Variants in NTM observed in about 807,000 individuals in gnomAD.
NTM encodes the protein neurotrimin, also known as IgLON family member 2.
NTM carries 13 observed loss-of-function variants against 42.1 expected under a neutral mutation model. That is an observed-to-expected ratio of 0.31 (90% CI 0.20 to 0.49). NTM has a LOEUF of 0.49. Among genes scored for constraint, NTM ranks in the 20% least tolerant of loss-of-function variants. The pLI is 0.99. For missense variants in NTM, 373 were observed against 452.8 expected, an observed-to-expected ratio of 0.82 and a Z score of 1.60; for synonymous variants, 187 against 179.2, an observed-to-expected ratio of 1.04 and a Z score of -0.35.
At chr11:131,498,086 C>G (rs1036317557) in intron 1 of NTM, among the ~76,000 whole-genome samples, 1 of 151,738 alleles carries the variant, frequency 6.6e-6, no homozygotes, top group Non-Finnish European at 1.5e-5. Flanking sequence ...GCTCCATCTG[C>G]GAGATGTACC....
intron 2 of NTM, among the ~76,000 whole-genome samples, chr11:132,138,723 G>C (rs1477279966): frequency 1.3e-5 from 2 of 152,134 alleles, no homozygotes; most frequent in Non-Finnish European, 2.9e-5. Context: ...CCCAAGGACA[G>C]GAGAGGAATG....
At chr11:131,519,187 TATCTC>T (rs146370598) in intron 1 of NTM, among the ~76,000 whole-genome samples, 13,562 of 152,240 alleles carry the variant, frequency 0.089, 695 homozygotes, top group Middle Eastern at 0.15. Context: ...CCAGGGGACA[TATCTC>T]TTCTCTCTTA....
At chr11:132,135,609 C>G (rs2067742781) in intron 2 of NTM, among the ~76,000 whole-genome samples, 2 of 152,210 alleles carry the variant, frequency 1.3e-5, no homozygotes, top group South Asian at 4.1e-4. Context: ...ACAGGCCACA[C>G]AGGCTACTGC....
intron 1 of NTM, chr11:131,535,166 G>A (rs1233160862): frequency 6.6e-6 from 1 of 152,184 alleles, no homozygotes; most frequent in African/African-American, 2.4e-5. Context: ...AGGACGATGG[G>A]CCCTCAGCAG....
intron 1 of NTM, among the ~76,000 whole-genome samples, chr11:131,694,759 G>A (rs1405257395): frequency 1.3e-5 from 2 of 152,206 alleles, no homozygotes; most frequent in African/African-American, 4.8e-5. Flanking sequence ...CCAAGACCAT[G>A]AGCTTTGCGG....
intron 4 of NTM, among the ~76,000 whole-genome samples, chr11:132,219,691 A>G (rs753076974): frequency 6.6e-6 from 1 of 151,914 alleles, no homozygotes; most frequent in Non-Finnish European, 1.5e-5. Flanking sequence ...TGAAATAGAG[A>G]TAATAATACC....
chr11:132,063,709 G>A (rs1252769676), intron 2 of NTM, among the ~76,000 whole-genome samples: 1 of 152,184 alleles, frequency 6.6e-6, no homozygotes, highest in Non-Finnish European at 1.5e-5. Context: ...GATTCTCTTT[G>A]TTCTTTGGCT....
chr11:131,923,167 C>A (rs1362524536), intron 2 of NTM, among the ~76,000 whole-genome samples: 6 of 152,122 alleles, frequency 3.9e-5, no homozygotes, highest in Non-Finnish European at 7.3e-5. Flanking sequence ...GCCTGTAACA[C>A]CTAGAGAAGT....
intron 2 of NTM, among the ~76,000 whole-genome samples, chr11:132,050,509 CT>C (rs1566031197): frequency 6.6e-6 from 1 of 152,190 alleles, no homozygotes; most frequent in African/African-American, 2.4e-5. Context: ...GAAACTGCCC[CT>C]GCCTTCACAG....
intron 1 of NTM, among the ~76,000 whole-genome samples, chr11:131,858,247 C>T (rs186597257): frequency 1.4e-4 from 22 of 152,202 alleles, no homozygotes; most frequent in East Asian, 1.9e-4. Flanking sequence ...AGTTACTTTG[C>T]GGAAGCTTCT....
At chr11:132,034,915 C>T (rs765068838) in intron 2 of NTM, among the ~76,000 whole-genome samples, 3 of 152,210 alleles carry the variant, frequency 2.0e-5, no homozygotes, top group East Asian at 3.9e-4. Context: ...GATACAAGCA[C>T]ATAAACTCCA....
chr11:132,206,778 T>C (rs895329049), intron 3 of NTM, among the ~76,000 whole-genome samples: 1 of 152,234 alleles, frequency 6.6e-6, no homozygotes, highest in Non-Finnish European at 1.5e-5. Flanking sequence ...TTCTCATTTG[T>C]TGAGACCTAA....
At chr11:132,217,386 G>GTA (rs1232068471) in intron 4 of NTM, among the ~76,000 whole-genome samples, 5 of 150,386 alleles carry the variant, frequency 3.3e-5, no homozygotes, top group Non-Finnish European at 5.9e-5. Flanking sequence ...GTGTGTGTGT[G>GTA]TGTGTATGTG....
At chr11:132,134,592 A>G (rs2067417763) in intron 2 of NTM, among the ~76,000 whole-genome samples, 7 of 149,786 alleles carry the variant, frequency 4.7e-5, no homozygotes. Flanking sequence ...CTCATATGAC[A>G]TTTGGTTTTT....
intron 1 of NTM, among the ~76,000 whole-genome samples, chr11:131,764,022 AT>A (rs1326675273): frequency 6.6e-6 from 1 of 152,072 alleles, no homozygotes; most frequent in Non-Finnish European, 1.5e-5. Flanking sequence ...CCTCTAAAAC[AT>A]TTGGTGATAG....
In NTM at chr11:132,005,877, G is replaced by T. The variant is rs1285664376; in HGVS notation, c.167+94229G>T. Among the ~76,000 whole-genome samples the T allele has an allele frequency of 3.9e-5, 6 of 152,096 alleles. No homozygotes were observed. In the South Asian group the frequency reaches 8.3e-4, roughly 21 times the overall value. ...TCCCTCCTGTTTCCCTAAAGAAAAT[G>T]CTTCTTTTTTGTTAGAAAATTTTAA... On this transcript the variant is annotated intron_variant, in intron 2 of 8. Transcript: ENST00000683400.
intron 1 of NTM, among the ~76,000 whole-genome samples, chr11:131,641,158 A>G (rs1032010786): frequency 6.6e-6 from 1 of 152,232 alleles, no homozygotes; most frequent in Non-Finnish European, 1.5e-5. Flanking sequence ...ACCCAGGTCA[A>G]TGTGATAATG....
intron 1 of NTM, among the ~76,000 whole-genome samples, chr11:131,432,320 GA>G (rs1004963481): frequency 1.3e-5 from 2 of 152,176 alleles, no homozygotes; most frequent in African/African-American, 4.8e-5. Flanking sequence ...TTTAGTGAGG[GA>G]AAAGGATATT....
intron 2 of NTM, among the ~76,000 whole-genome samples, chr11:131,940,569 TTAA>T (rs1364241192): frequency 2.0e-5 from 3 of 152,232 alleles, no homozygotes; most frequent in African/African-American, 2.4e-5. Context: ...CATAGTCCAG[TTAA>T]CCTGAGCTAG....
Sources: gnomAD v4.1 joint callset for allele counts (sites outside exome capture counted in the v4.1 genomes callset) on GRCh38, gnomAD v4.1.1 for gene constraint, MANE v1.5 for transcripts, NCBI Gene and HGNC (gene_info 2026-07-23, HGNC 2026-07-21) for gene names.